Variants in DPP9 observed in about 807,000 individuals in gnomAD.
The protein encoded by DPP9 is dipeptidyl peptidase 9.
A neutral mutation model predicts 110.7 loss-of-function variants in DPP9; 50 were observed. The ratio of observed to expected loss-of-function variants is 0.45; its 90% CI spans 0.36 to 0.57. DPP9 has a LOEUF of 0.57. Among genes scored for constraint, DPP9 ranks in the 20% least tolerant of loss-of-function variants. DPP9 has a pLI of 0.00. For missense variants in DPP9, 1,022 were observed against 1,217.9 expected (o/e 0.84, Z 2.39); for synonymous variants, 561 against 514.4 (o/e 1.09, Z -1.23).
chr19:4,705,447 C>A (rs1235671092), intron 5 of DPP9, among the ~76,000 whole-genome samples: 1 of 152,190 alleles, frequency 6.6e-6, no homozygotes, highest in Admixed American at 6.5e-5. Flanking sequence ...GTCTCAAATT[C>A]TTGGGCTCAA....
intron 4 of DPP9, 137 bp downstream of exon 4, chr19:4,713,944 T>C: frequency 7.8e-7 from 1 of 1,286,732 alleles, no homozygotes; most frequent in Non-Finnish European, 1.0e-6. Flanking sequence ...TGGCTGAGCC[T>C]CGAAGGACAG....
In DPP9 at chr19:4,685,698, C is replaced by T; in HGVS notation, c.1959G>A (p.Met653Ile). Residue 653 changes from methionine to isoleucine, a missense_variant, in exon 17 of 22, where the codon ATG (methionine) becomes ATA (isoleucine). Around this residue, in one of 3 missense-constraint regions of DPP9, gnomAD observed 810 missense variants for 920.6 expected, o/e 0.88. Coordinates refer to ENST00000262960, the MANE Select transcript of DPP9 (RefSeq NM_139159.5). This position sits in a 1 kb window ranked among gnomAD's most constrained non-coding sequence, Gnocchi z 5.8. ...GCTGCAAGGCGTGGGGCTTGTAGAT[C>T]ATGCCGTAGAGCCGCACATCCGAGC... is the stretch of plus-strand genomic sequence containing the variant. ...HTRSDVRLYG[M>I]IYKPHALQPG... 1.2e-6 allele frequency: 2 copies of T among 1,613,440 alleles called. No individual in the cohort carries two copies. Among genetic ancestry groups the T allele is most frequent in the Non-Finnish European group, 1.7e-6 (2 of 1,179,812 alleles).
chr19:4,682,950 G>C lies in DPP9; in HGVS notation c.2332-112C>G. ...GGCCGCCCTGGAGCCCGTGAGGAGC[G>C]CTCATGCACATGGGGCCGGCAAGGA... On this transcript the variant is annotated intron_variant, in intron 19 of 21. Transcript: ENST00000262960. This position sits in a 1 kb window ranked among gnomAD's most constrained non-coding sequence, Gnocchi z 7.1. 6.5e-7 allele frequency: 1 copy of C among 1,534,548 alleles called. No homozygotes were observed. Among genetic ancestry groups the C allele is most frequent in the Non-Finnish European group, 8.7e-7 (1 of 1,146,200 alleles).
chr19:4,695,457 C>T lies in DPP9; in HGVS notation c.1274G>A (p.Arg425Gln), dbSNP rs747747951. Residue 425 changes from arginine (R) to glutamine (Q), a missense_variant, in exon 12 of 22, where the codon CGG becomes CAG. Arg to Gln is a conservative substitution (Grantham distance 43). Around this residue, in one of 3 missense-constraint regions of DPP9, gnomAD observed 810 missense variants for 920.6 expected, o/e 0.88. Transcript: ENST00000262960. This position sits in a 1 kb window ranked among gnomAD's most constrained non-coding sequence, Gnocchi z 4.7. ...FIPSTENEEQ[R>Q]LASARAVPRN... ...GGGGACAGCTCTGGCAGAGGCTAGC[C>T]GCTGCTCCTCATTCTCTGTGCTCGG... The T allele has an allele frequency of 1.6e-5, 25 of 1,587,686 alleles. No homozygotes were observed. The highest frequency in any genetic ancestry group is 2.7e-5 in the African/African-American group (2 of 73,746).
rs1165117875 is a variant in DPP9, at chr19:4,710,509, C to G, written c.313+3572G>C. 6.6e-6 allele frequency among the ~76,000 whole-genome samples: 1 copy of G among 152,202 alleles called. No homozygotes were observed. The highest frequency in any genetic ancestry group is 1.5e-5 in the Non-Finnish European group (1 of 68,044). Reference sequence around the variant, plus strand: ...CCCAGCAGCAGGAACCGCACGTTCCCCCGCTGCTCCTGCTAGCCTGACGCT... The same window carrying G: ...CCCAGCAGCAGGAACCGCACGTTCCGCCGCTGCTCCTGCTAGCCTGACGCT... On this transcript the variant is annotated intron_variant, in intron 4 of 21. Transcript: ENST00000262960. The surrounding 1 kb of genome is among the most constrained non-coding windows in gnomAD (Gnocchi z 5.6).
intron 1 of DPP9, 26 bp from the exon 2 acceptor site, chr19:4,722,577 T>C: frequency 1.4e-6 from 1 of 702,826 alleles, no homozygotes; most frequent in South Asian, 1.5e-5. Flanking sequence ...ATGTCATGAA[T>C]GTGGCAGGTT....
At position 4,706,841 on chromosome 19, in the gene DPP9, C is replaced by A. The variant is rs1032536018; in HGVS notation, c.314-871G>T. Among the ~76,000 whole-genome samples the A allele has an allele frequency of 1.4e-4, 22 of 152,140 alleles. 1 individual carries two copies. Among genetic ancestry groups the A allele is most frequent in the Admixed American group, 1.4e-3 (21 of 15,272 alleles). ...AAAAAAGGGAATGGGGAAGCGTGCA[C>A]CTGGTCCAGTATTTCCCAACCTCGC... On this transcript the variant is annotated intron_variant, in intron 4 of 21. Coordinates refer to ENST00000262960, the MANE Select transcript of DPP9 (RefSeq NM_139159.5).
rs144927941 is a variant in DPP9, at chr19:4,699,158, CAAAAAAAAAAAAAA to C, written c.1074+1044_1074+1057del. Among the ~76,000 whole-genome samples the C allele has an allele frequency of 1.6e-3, 79 of 50,910 alleles. 2 individuals carry two copies. In the Admixed American group the frequency reaches 0.018, roughly 12 times the overall value. 33.4% of individuals were successfully genotyped at this position (50,910 alleles called of 152,430 possible). On this transcript the variant is annotated intron_variant, in intron 10 of 21. Transcript: ENST00000262960. ...TGGGCGACAGAGCGAGACTCCACCT[CAAAAAAAAAAAAAA>C]AAAAAAAAAAAGAATGCAAAAGAGG...
rs549998093 is a variant in DPP9 at position 4,700,783 on chromosome 19, G to T, written c.1013-506C>A. Among the ~76,000 whole-genome samples, 7 of 152,342 alleles carry T rather than the reference G, an allele frequency of 4.6e-5. No homozygotes were observed. The highest frequency in any genetic ancestry group is 1.2e-4 in the African/African-American group (5 of 41,580). On this transcript the variant is annotated intron_variant, in intron 9 of 21. Coordinates refer to ENST00000262960, the MANE Select transcript of DPP9 (RefSeq NM_139159.5). This position sits in a 1 kb window ranked among gnomAD's most constrained non-coding sequence, Gnocchi z 4.3. ...AGAATAAGGGACCCAAGAGGCTTCT[G>T]AAGAGTGGGACTTAGTTCAGGCTCC...
chr19:4,678,104 C>G (rs553166600), intron 21 of DPP9, among the ~76,000 whole-genome samples: 1 of 151,988 alleles, frequency 6.6e-6, no homozygotes, highest in East Asian at 1.9e-4. Flanking sequence ...TTTCTTTTTT[C>G]TTTCTTTTCT....
intron 11 of DPP9, 78 bp downstream of exon 11, chr19:4,697,473 C>T: frequency 7.9e-7 from 1 of 1,259,866 alleles, no homozygotes; most frequent in African/African-American, 1.5e-5. Context: ...CACGGAAGGC[C>T]AGGAGGCAGC....
chr19:4,700,337 G>A lies in DPP9; in HGVS notation c.1013-60C>T, dbSNP rs537602827. 496 of 1,434,202 alleles carry A rather than the reference G, an allele frequency of 3.5e-4. 11 individuals are homozygous for A. In the South Asian group the frequency reaches 5.7e-3, roughly 16 times the overall value. 88.8% of individuals were successfully genotyped at this position (1,434,202 alleles called of 1,614,324 possible). Reference sequence around the variant, plus strand: ...GCATCACCCGTGTGTGCCGAGAGCCGGCACGGGGGGCCTGGGCTGTGGGGT... The same window carrying A: ...GCATCACCCGTGTGTGCCGAGAGCCAGCACGGGGGGCCTGGGCTGTGGGGT... On this transcript the variant is annotated intron_variant, in intron 9 of 21. Coordinates refer to ENST00000262960, the MANE Select transcript of DPP9 (RefSeq NM_139159.5). This position sits in a 1 kb window ranked among gnomAD's most constrained non-coding sequence, Gnocchi z 4.3.
chr19:4,681,036 C>A (rs945189537), intron 20 of DPP9, among the ~76,000 whole-genome samples: 18 of 152,314 alleles, frequency 1.2e-4, no homozygotes, highest in Admixed American at 2.6e-4. Flanking sequence ...GAGGCCAACA[C>A]GCAGCCTCAC....
intron 8 of DPP9, 138 bp downstream of exon 8, chr19:4,702,464 AG>A: frequency 1.4e-6 from 1 of 735,316 alleles, no homozygotes; most frequent in Non-Finnish European, 2.3e-6. Context: ...ACAGTCGTTA[AG>A]GAACTCTCTA....
Position 4,698,415 on chromosome 19 carries a change from A to G in DPP9, c.1075-764T>C, listed in dbSNP as rs2091974662. On this transcript the variant is annotated intron_variant, in intron 10 of 21. Transcript: ENST00000262960. The surrounding 1 kb of genome is among the most constrained non-coding windows in gnomAD (Gnocchi z 4.2). ...TGTTTGATTGGCATCACCCCAGCCCACCTAAGGACTCTGCACGTCTGAGAG... is the reference window on the plus strand; with the variant it reads ...TGTTTGATTGGCATCACCCCAGCCCGCCTAAGGACTCTGCACGTCTGAGAG... Among the ~76,000 whole-genome samples, 1 of 152,132 alleles carries G rather than the reference A, an allele frequency of 6.6e-6. No homozygotes were observed. Among genetic ancestry groups the G allele is most frequent in the Middle Eastern group, 3.2e-3 (1 of 316 alleles).
In DPP9 at chr19:4,710,690, G is replaced by C. The variant is rs975915588; in HGVS notation, c.313+3391C>G. Among the ~76,000 whole-genome samples, 7 of 152,210 alleles carry C rather than the reference G, an allele frequency of 4.6e-5. No homozygotes were observed. The highest frequency in any genetic ancestry group is 8.8e-5 in the Non-Finnish European group (6 of 68,030). On this transcript the variant is annotated intron_variant, in intron 4 of 21. Transcript: ENST00000262960. The surrounding 1 kb of genome is among the most constrained non-coding windows in gnomAD (Gnocchi z 5.6). ...GCCTTGAAGTCTGGACACTGGGCTA[G>C]TGCTAAGAAGTGTTATTATTACTCA...
chr19:4,712,705 C>T lies in DPP9; in HGVS notation c.313+1376G>A, dbSNP rs1008638984. ...ACCAGGAAAACCTGACTTCTGAAGA[C>T]GGCTGTCACCTGCCGACCCCTGTTC... On this transcript the variant is annotated intron_variant, in intron 4 of 21. Transcript: ENST00000262960. Among the ~76,000 whole-genome samples the T allele has an allele frequency of 6.6e-5, 10 of 152,296 alleles. 2 individuals are homozygous for T. Among genetic ancestry groups the T allele is most frequent in the Admixed American group, 3.9e-4 (6 of 15,288 alleles).
At position 4,684,754 on chromosome 19, in the gene DPP9, A is replaced by G; in HGVS notation, c.2087T>C (p.Leu696Pro). 6.2e-7 allele frequency: 1 copy of G among 1,607,216 alleles called. No individual in the cohort carries two copies. Among genetic ancestry groups the G allele is most frequent in the Non-Finnish European group, 8.5e-7 (1 of 1,177,082 alleles). Reference protein sequence around the residue: ...KGIKYLRLNTLASLGYAVVVI... With the variant: ...KGIKYLRLNTPASLGYAVVVI... The stretch of plus-strand genomic sequence containing the variant: ...AACCACGGCGTAGCCCAGGGAGGCC[A>G]GTGTGTTGAGCCGCAAGTACTTGAT... The change falls in exon 18 of 22, where the codon CTG (leucine) becomes CCG (proline). Residue 696 changes from leucine (L) to proline (P), a missense_variant. By Grantham distance (98) the Leu-to-Pro change is moderately conservative. Transcript: ENST00000262960. The surrounding 1 kb of genome is among the most constrained non-coding windows in gnomAD (Gnocchi z 4.8).
At chr19:4,721,519 G>A (rs1293746155) in intron 2 of DPP9, among the ~76,000 whole-genome samples, 3 of 152,200 alleles carry the variant, frequency 2.0e-5, no homozygotes, top group African/African-American at 7.2e-5. Context: ...AGTGGCTCAC[G>A]CCTTTAATCC....
Sources: gnomAD v4.1 joint callset for allele counts (sites outside exome capture counted in the v4.1 genomes callset) on GRCh38, gnomAD v4.1.1 for gene constraint, gnomAD v4.1.1 regional missense constraint, Gnocchi (gnomAD v3.1) non-coding constraint, MANE v1.5 for transcripts, NCBI Gene and HGNC (gene_info 2026-07-23, HGNC 2026-07-21) for gene names.